SCML4: variants seen among roughly 807,000 people sequenced by gnomAD.
SCML4 encodes Scm polycomb group protein like 4.
In SCML4, 34 loss-of-function variants were observed where a neutral mutation model predicts 41.1. The ratio of observed to expected loss-of-function variants is 0.83; its 90% CI spans 0.63 to 1.10. The LOEUF (loss-of-function observed/expected upper bound fraction) is 1.10. Among genes scored for constraint, SCML4 ranks in the 50% least tolerant of loss-of-function variants. SCML4 has a pLI of 0.00. For synonymous variants in SCML4, 214 were observed against 220.9 expected (o/e 0.97, Z 0.28); for missense variants, 522 against 534.1 (o/e 0.98, Z 0.22).
intron 5 of SCML4, among the ~76,000 whole-genome samples, chr6:107,741,364 GA>G (rs1777583441): frequency 6.6e-6 from 1 of 152,154 alleles, no homozygotes; most frequent in African/African-American, 2.4e-5. Flanking sequence ...TTCTACACTA[GA>G]AAAAGTGAGA....
At chr6:107,783,729 CAGGTGCTGGTCTGAGTTTGCCTGATGGG>C (rs1781669483) in intron 1 of SCML4, among the ~76,000 whole-genome samples, 1 of 143,372 alleles carries the variant, frequency 7.0e-6, no homozygotes, top group Non-Finnish European at 1.5e-5. Flanking sequence ...TGCCTGATGG[CAGGTGCTGGTCTGAGTTTGCCTGATGGG>C]AGGTGCTGGT....
Position 107,800,449 on chromosome 6 carries a change from T to G in SCML4, c.-60+23677A>C, listed in dbSNP as rs182453677. On this transcript the variant is annotated intron_variant, in intron 1 of 7. Coordinates refer to ENST00000369020, the MANE Select transcript of SCML4 (RefSeq NM_198081.5). Reference sequence around the variant, plus strand: ...TACCCAACCAGTCTCATCTATTTTTTGTTTACCTTTGAATTCAACTCCTGC... The same window carrying G: ...TACCCAACCAGTCTCATCTATTTTTGGTTTACCTTTGAATTCAACTCCTGC... Among the ~76,000 whole-genome samples, 15 of 152,300 alleles carry G rather than the reference T, an allele frequency of 9.8e-5. No homozygotes were observed. The South Asian group carries it at 1.2e-3, about 13-fold the overall frequency.
chr6:107,789,487 C>T (rs994713649), intron 1 of SCML4, among the ~76,000 whole-genome samples: 5 of 152,206 alleles, frequency 3.3e-5, no homozygotes, highest in African/African-American at 1.2e-4. Flanking sequence ...GGCTGAATTC[C>T]CTATGTCCTG....
the SCML4 span, among the ~76,000 whole-genome samples, chr6:107,833,082 T>C: frequency 6.6e-6 from 1 of 152,122 alleles, no homozygotes; most frequent in East Asian, 1.9e-4. Flanking sequence ...AATATTGGGA[T>C]ATAAGAGGCA....
At chr6:107,760,831 A>G (rs1779522732) in intron 2 of SCML4, among the ~76,000 whole-genome samples, 1 of 152,210 alleles carries the variant, frequency 6.6e-6, no homozygotes, top group African/African-American at 2.4e-5. Context: ...CTATGATACT[A>G]TGTATAAAGA....
chr6:107,745,993 AAAATAAATAAATAAAT>A (rs36131534), intron 4 of SCML4: 1 of 148,716 alleles, frequency 6.7e-6, no homozygotes, highest in African/African-American at 2.5e-5. Context: ...ATCCTGTCTC[AAAATAAATAAATAAAT>A]AAATAAATAA....
In SCML4 at chr6:107,720,883, A is replaced by T. The variant is rs555821622; in HGVS notation, c.793T>A (p.Ser265Thr). Residue 265 changes from serine (S) to threonine (T), a missense_variant, in exon 6 of 8, where the codon TCC (serine) becomes ACC (threonine). Ser to Thr is a moderately conservative substitution (Grantham distance 58, BLOSUM62 1). Transcript: ENST00000369020. ...FNHRGSLHPS[S>T]SLYCKRQNSG... ...TTCTGCCTCTTGCAGTACAGCGAGG[A>T]GGAGGGGTGCAAGGAGCCCCTGTGG... The T allele has an allele frequency of 7.4e-6, 12 of 1,614,116 alleles. No homozygotes were observed. The South Asian group carries it at 1.1e-4, about 15-fold the overall frequency.
the SCML4 span, among the ~76,000 whole-genome samples, chr6:107,835,842 G>A: frequency 6.6e-6 from 1 of 150,634 alleles, no homozygotes; most frequent in African/African-American, 2.4e-5. Flanking sequence ...ATAGTGTCAA[G>A]GAAAAAACTA....
chr6:107,725,318 C>T (rs1775853207), intron 5 of SCML4, among the ~76,000 whole-genome samples: 1 of 151,934 alleles, frequency 6.6e-6, no homozygotes, highest in South Asian at 2.1e-4. Context: ...ACATACATCT[C>T]TTATGCGTTG....
intron 6 of SCML4, chr6:107,719,995 C>A: frequency 1.0e-6 from 1 of 985,462 alleles, no homozygotes; most frequent in Non-Finnish European, 1.2e-6. Context: ...AGACTGCATT[C>A]CAACAAGCTT....
chr6:107,805,707 C>T (rs1371565206), intron 1 of SCML4, among the ~76,000 whole-genome samples: 25 of 152,126 alleles, frequency 1.6e-4, no homozygotes, highest in Admixed American at 1.4e-3. Flanking sequence ...CTTAGCTCAG[C>T]GAAGAGTGAC....
intron 1 of SCML4, among the ~76,000 whole-genome samples, chr6:107,783,664 G>A (rs1461404465): frequency 7.7e-6 from 1 of 129,550 alleles, no homozygotes; most frequent in African/African-American, 3.0e-5. Flanking sequence ...GTCTGAGTTT[G>A]CCTGATGGCA....
intron 1 of SCML4, among the ~76,000 whole-genome samples, chr6:107,789,020 C>G (rs1428477062): frequency 6.6e-6 from 1 of 152,194 alleles, no homozygotes; most frequent in Non-Finnish European, 1.5e-5. Flanking sequence ...TCCTGATAGG[C>G]ACAGTCCCAG....
At position 107,705,817 on chromosome 6, in the gene SCML4, C is replaced by T. The variant is rs6930023; in HGVS notation, c.1120-492G>A. Among the ~76,000 whole-genome samples the T allele has an allele frequency of 8.4e-3, 1,278 of 152,226 alleles. 25 individuals carry two copies. The highest frequency in any genetic ancestry group is 0.029 in the African/African-American group (1,206 of 41,518). ...ATGGAAGATTTCAGGTGTGTTTAGC[C>T]CTGTCTATTCCACTAGATGGAATAC... On this transcript the variant is annotated intron_variant, in intron 7 of 7. Transcript: ENST00000369020.
At chr6:107,766,836 C>A (rs564573567) in intron 2 of SCML4, among the ~76,000 whole-genome samples, 19 of 152,268 alleles carry the variant, frequency 1.2e-4, no homozygotes, top group African/African-American at 1.7e-4. Flanking sequence ...GTCATAATTT[C>A]CCCCACAGAC....
chr6:107,839,327 GAA>G, the SCML4 span, among the ~76,000 whole-genome samples: 11 of 41,874 alleles, frequency 2.6e-4, no homozygotes, highest in South Asian at 0.021. Context: ...AGGAAAGAAA[GAA>G]AGAGAGAGAG....
At chr6:107,787,592 C>T (rs1782001498) in intron 1 of SCML4, among the ~76,000 whole-genome samples, 1 of 152,210 alleles carries the variant, frequency 6.6e-6, no homozygotes, top group Non-Finnish European at 1.5e-5. Context: ...ATCTATAAAG[C>T]AAATTCTCTT....
the SCML4 span, among the ~76,000 whole-genome samples, chr6:107,844,717 T>C: frequency 6.6e-6 from 1 of 152,012 alleles, no homozygotes; most frequent in African/African-American, 2.4e-5. Context: ...TTTGTCCTCA[T>C]ATCAAATTCT....
At chr6:107,727,916 T>C (rs1776149648) in intron 5 of SCML4, among the ~76,000 whole-genome samples, 1 of 152,230 alleles carries the variant, frequency 6.6e-6, no homozygotes, top group African/African-American at 2.4e-5. Context: ...CTTTGGTATA[T>C]GTGAGGAAGC....
Sources: allele counts gnomAD v4.1 joint callset (sites outside exome capture counted in the v4.1 genomes callset), GRCh38; gene constraint gnomAD v4.1.1; transcripts MANE v1.5; gene names NCBI Gene and HGNC (gene_info 2026-07-23, HGNC 2026-07-21).